Variants in LIN52 observed in about 807,000 individuals in gnomAD.
The protein encoded by LIN52 is protein lin-52 homolog.
Under a neutral mutation model 18.5 loss-of-function variants are expected in LIN52, and 4 were observed. The ratio of observed to expected loss-of-function variants is 0.22; its 90% CI spans 0.11 to 0.49. The LOEUF (loss-of-function observed/expected upper bound fraction) is 0.49. Among genes scored for constraint, LIN52 ranks in the 20% least tolerant of loss-of-function variants. LIN52 has a pLI of 0.97. For synonymous variants in LIN52, 34 were observed against 45.5 expected, an observed-to-expected ratio of 0.75 and a Z score of 1.02; for missense variants, 102 against 139.5, an observed-to-expected ratio of 0.73 and a Z score of 1.35.
In LIN52 at chr14:74,199,114, T is replaced by G; in HGVS notation, c.*137T>G. 1.6e-6 allele frequency: 1 copy of G among 635,606 alleles called. No homozygotes were observed. Among genetic ancestry groups the G allele is most frequent in the South Asian group, 1.9e-5 (1 of 53,154 alleles). 39.4% of individuals were successfully genotyped at this position (635,606 alleles called of 1,614,324 possible). A position where few individuals can be genotyped will look rare whatever the true frequency, so the allele number is the denominator to read the frequency against. On this transcript the variant is annotated 3_prime_UTR_variant, in exon 6 of 6. Coordinates refer to ENST00000555028, the MANE Select transcript of LIN52 (RefSeq NM_001024674.3). ...CCAGGACTGCCCTCTCCCCTGCTCC[T>G]GGCACTCTACACGTCTGAGGACATT...
intron 5 of LIN52, among the ~76,000 whole-genome samples, chr14:74,175,965 G>A (rs536005033): frequency 2.0e-5 from 3 of 152,042 alleles, no homozygotes; most frequent in African/African-American, 7.2e-5. Flanking sequence ...GGGTGACATA[G>A]TGAGGCCCAG....
intron 5 of LIN52, among the ~76,000 whole-genome samples, chr14:74,193,939 A>G (rs2078895765): frequency 6.6e-6 from 1 of 152,244 alleles, no homozygotes; most frequent in African/African-American, 2.4e-5. Flanking sequence ...ATGTTGAGGC[A>G]TAGAAATATT....
intron 1 of LIN52, among the ~76,000 whole-genome samples, chr14:74,086,601 A>G (rs1464624563): frequency 6.6e-6 from 1 of 152,010 alleles, no homozygotes; most frequent in African/African-American, 2.4e-5. Flanking sequence ...GCGGCAGTGA[A>G]CCATGTTCAT....
At chr14:74,138,078 T>C (rs2061108241) in intron 5 of LIN52, among the ~76,000 whole-genome samples, 1 of 152,210 alleles carries the variant, frequency 6.6e-6, no homozygotes, top group Non-Finnish European at 1.5e-5. Context: ...TCTTAAAATC[T>C]GTCAACAGCT....
chr14:74,146,482 T>C lies in LIN52; in HGVS notation c.283+45244T>C, dbSNP rs2139550642. On this transcript the variant is annotated intron_variant, in intron 5 of 5. Coordinates refer to ENST00000555028, the MANE Select transcript of LIN52 (RefSeq NM_001024674.3). ...AGTGAATTGCTCTTCCAGTGTGTGC[T>C]GTTCAGATTTGTTCCTAAGCAAAAT... Among the ~76,000 whole-genome samples the C allele has an allele frequency of 1.3e-5, 2 of 152,306 alleles. 1 individual carries two copies. The highest frequency in any genetic ancestry group is 4.1e-4 in the South Asian group (2 of 4,824).
rs1200375637 is a variant in LIN52 at position 74,199,893 on chromosome 14, A to G, written c.*916A>G. On this transcript the variant is annotated 3_prime_UTR_variant, in exon 6 of 6. Transcript: ENST00000555028. ...GTGGGATTGTCCCCTCTGACAGCAC[A>G]TATGAAATAGTTCATCTATATAATA... is the stretch of plus-strand genomic sequence containing the variant. 1 of 152,250 alleles carries G rather than the reference A, an allele frequency of 6.6e-6. No homozygotes were observed. Among genetic ancestry groups the G allele is most frequent in the Non-Finnish European group, 1.5e-5 (1 of 68,062 alleles). The allele number at this position is 152,250 out of a possible 1,614,324, so 9.4% of individuals were successfully genotyped here.
rs532977156 is a variant in LIN52 at position 74,162,479 on chromosome 14, A to C, written c.284-36443A>C. On this transcript the variant is annotated intron_variant, in intron 5 of 5. Coordinates refer to ENST00000555028, the MANE Select transcript of LIN52 (RefSeq NM_001024674.3). ...ACAAAGCAAGACTCCATCTCACAAA[A>C]AAAAAAAAAAAAAAAAGATTGCTCT... Among the ~76,000 whole-genome samples the C allele has an allele frequency of 1.8e-3, 264 of 148,534 alleles. 3 individuals carry two copies. Among genetic ancestry groups the C allele is most frequent in the African/African-American group, 6.5e-3 (254 of 39,076 alleles).
intron 5 of LIN52, among the ~76,000 whole-genome samples, chr14:74,193,652 C>T (rs918789100): frequency 2.0e-5 from 3 of 152,206 alleles, no homozygotes; most frequent in Admixed American, 1.3e-4. Flanking sequence ...AATAGTTTTA[C>T]AGTAGCTAGC....
chr14:74,115,589 C>T (rs1012721434), intron 5 of LIN52, among the ~76,000 whole-genome samples: 3 of 152,152 alleles, frequency 2.0e-5, no homozygotes, highest in African/African-American at 7.2e-5. Context: ...ATTTAGGTTA[C>T]AGCATAAAAT....
intron 5 of LIN52, among the ~76,000 whole-genome samples, chr14:74,188,519 A>G (rs8003292): frequency 0.016 from 2,480 of 152,166 alleles, 71 homozygotes; most frequent in African/African-American, 0.055. Context: ...GTTCCATTAA[A>G]AAAAATAAAT....
chr14:74,179,423 G>A (rs1470165323), intron 5 of LIN52, among the ~76,000 whole-genome samples: 1 of 152,106 alleles, frequency 6.6e-6, no homozygotes, highest in Non-Finnish European at 1.5e-5. Context: ...ACTTTGGAAG[G>A]CCTAGGCAGG....
chr14:74,087,441 AT>A (rs1361547343), intron 1 of LIN52, among the ~76,000 whole-genome samples: 1 of 149,982 alleles, frequency 6.7e-6, no homozygotes, highest in African/African-American at 2.5e-5. Context: ...AAAAAATTAA[AT>A]TTTTTTCCTT....
intron 5 of LIN52, among the ~76,000 whole-genome samples, chr14:74,119,247 C>G (rs147873173): frequency 6.7e-6 from 1 of 150,242 alleles, no homozygotes; most frequent in Non-Finnish European, 1.5e-5. Context: ...CTGCAAGCTC[C>G]GCCTCCTGGG....
At chr14:74,191,357 G>T (rs1345457204) in intron 5 of LIN52, among the ~76,000 whole-genome samples, 1 of 152,100 alleles carries the variant, frequency 6.6e-6, no homozygotes, top group Admixed American at 6.6e-5. Context: ...TGTGCTCCAT[G>T]TGACTGCCTT....
At chr14:74,198,134 G>A (rs2078926537) in intron 5 of LIN52, among the ~76,000 whole-genome samples, 1 of 152,204 alleles carries the variant, frequency 6.6e-6, no homozygotes, top group South Asian at 2.1e-4. Flanking sequence ...TGAGGAAGGG[G>A]CTGTTACACT....
At position 74,201,006 on chromosome 14, in the gene LIN52, T is replaced by C. The variant is rs932593111; in HGVS notation, c.*2029T>C. On this transcript the variant is annotated 3_prime_UTR_variant, in exon 6 of 6. Coordinates refer to ENST00000555028, the MANE Select transcript of LIN52 (RefSeq NM_001024674.3). The stretch of plus-strand genomic sequence containing the variant: ...TGGTTTTCTGGTCCGCTTTGTCCTC[T>C]TTCTTTTACCGTCATCCTATTCACC... 1 of 152,260 alleles carries C rather than the reference T, an allele frequency of 6.6e-6. No individual in the cohort carries two copies. The highest frequency in any genetic ancestry group is 2.4e-5 in the African/African-American group (1 of 41,478). 9.4% of individuals were successfully genotyped at this position (152,260 alleles called of 1,614,324 possible).
chr14:74,092,923 A>G (rs1474108609), intron 2 of LIN52, among the ~76,000 whole-genome samples: 11 of 151,914 alleles, frequency 7.2e-5, no homozygotes, highest in African/African-American at 2.6e-4. Flanking sequence ...TCTCAAAAAA[A>G]TCCCCCAAAC....
chr14:74,186,951 T>C (rs1378244713), intron 5 of LIN52, among the ~76,000 whole-genome samples: 2 of 152,164 alleles, frequency 1.3e-5, no homozygotes, highest in East Asian at 3.9e-4. Flanking sequence ...TTATGGCACA[T>C]GCCTTTAGTC....
intron 1 of LIN52, among the ~76,000 whole-genome samples, chr14:74,089,707 A>G (rs2060759434): frequency 6.6e-6 from 1 of 152,168 alleles, no homozygotes; most frequent in African/African-American, 2.4e-5. Context: ...GAGGGATTCA[A>G]ATAACCACTT....
Sources: allele counts gnomAD v4.1 joint callset (sites outside exome capture counted in the v4.1 genomes callset), GRCh38; gene constraint gnomAD v4.1.1; transcripts MANE v1.5; gene names NCBI Gene and HGNC (gene_info 2026-07-23, HGNC 2026-07-21).